DNAJB6: variants seen among roughly 807,000 people sequenced by gnomAD.
DNAJB6 encodes the protein dnaJ homolog subfamily B member 6.
DNAJB6 carries 16 observed loss-of-function variants against 42.7 expected under a neutral mutation model. The ratio of observed to expected loss-of-function variants is 0.37; its 90% CI spans 0.25 to 0.57. The LOEUF is 0.57. DNAJB6 is among the 20% of genes least tolerant of loss of function. The pLI is 0.74. For missense variants in DNAJB6, 347 were observed against 416.8 expected (o/e 0.83, Z 1.46); for synonymous variants, 170 against 163.5 (o/e 1.04, Z -0.30).
chr7:157,388,472 C>A (rs940638277), intron 8 of DNAJB6, among the ~76,000 whole-genome samples: 1 of 152,184 alleles, frequency 6.6e-6, no homozygotes, highest in Non-Finnish European at 1.5e-5. Flanking sequence ...GGAAGCTGAA[C>A]GCTCCTTAAC....
intron 8 of DNAJB6, among the ~76,000 whole-genome samples, chr7:157,386,836 A>G (rs1801086681): frequency 1.3e-5 from 2 of 151,560 alleles, no homozygotes; most frequent in African/African-American, 4.9e-5. Flanking sequence ...GTGAGCTGAG[A>G]TCGTGCCATT....
chr7:157,346,703 T>C (rs534536439), intron 1 of DNAJB6, among the ~76,000 whole-genome samples: 1 of 152,360 alleles, frequency 6.6e-6, no homozygotes, highest in East Asian at 1.9e-4. Flanking sequence ...TTGTCAAATT[T>C]TAAATTGTGT....
chr7:157,358,568 A>G lies in DNAJB6; in HGVS notation c.-5A>G. The G allele has an allele frequency of 6.2e-7, 1 of 1,613,294 alleles. No homozygotes were observed. The highest frequency in any genetic ancestry group is 8.5e-7 in the Non-Finnish European group (1 of 1,179,284). ...GCAGGACCCATTCCAACAATCTCGT[A>G]AAACATGGTGGATTACTATGAAGTT... On this transcript the variant is annotated 5_prime_UTR_variant, in exon 2 of 10. Transcript: ENST00000262177.
intron 8 of DNAJB6, among the ~76,000 whole-genome samples, chr7:157,393,429 A>G (rs975361271): frequency 6.6e-6 from 1 of 152,098 alleles, no homozygotes; most frequent in Non-Finnish European, 1.5e-5. Flanking sequence ...CTGTGTGATT[A>G]TGTTTCTGAG....
At chr7:157,372,210 T>C (rs1800245466) in intron 5 of DNAJB6, 2 of 152,588 alleles carry the variant, frequency 1.3e-5, no homozygotes, top group Non-Finnish European at 2.9e-5. Context: ...CTGCCCAGGG[T>C]GGAGGAGGCC....
At chr7:157,339,372 A>C (rs1798224835) in intron 1 of DNAJB6, among the ~76,000 whole-genome samples, 1 of 135,194 alleles carries the variant, frequency 7.4e-6, no homozygotes, top group Non-Finnish European at 1.5e-5. Flanking sequence ...ATCTCGGCTC[A>C]CTGCAAGCTC....
chr7:157,352,346 A>G (rs1008128200), intron 1 of DNAJB6, among the ~76,000 whole-genome samples: 2 of 151,832 alleles, frequency 1.3e-5, no homozygotes, highest in African/African-American at 4.8e-5. Flanking sequence ...ATATATGTAT[A>G]TATATATAAT....
chr7:157,404,171 G>A (rs1395270662), intron 8 of DNAJB6, among the ~76,000 whole-genome samples: 1 of 151,660 alleles, frequency 6.6e-6, no homozygotes, highest in Non-Finnish European at 1.5e-5. Flanking sequence ...GTCTCACTAT[G>A]TTGCCCAGGC....
At chr7:157,344,536 G>A (rs1331184464) in intron 1 of DNAJB6, among the ~76,000 whole-genome samples, 1 of 151,648 alleles carries the variant, frequency 6.6e-6, no homozygotes, top group Non-Finnish European at 1.5e-5. Flanking sequence ...AGTTAATTTT[G>A]TAGTTAGAGA....
chr7:157,390,005 G>A (rs910131830), intron 8 of DNAJB6, among the ~76,000 whole-genome samples: 1 of 152,238 alleles, frequency 6.6e-6, no homozygotes, highest in Non-Finnish European at 1.5e-5. Flanking sequence ...CTGCCTCGGA[G>A]TGCAACCCCA....
chr7:157,378,776 C>T (rs146154794), intron 5 of DNAJB6: 68 of 152,266 alleles, frequency 4.5e-4, no homozygotes, highest in African/African-American at 1.6e-3. Context: ...AAGCTTAATA[C>T]ATACTTCTAG....
intron 8 of DNAJB6, among the ~76,000 whole-genome samples, chr7:157,393,357 A>G (rs1801438791): frequency 1.3e-5 from 2 of 151,822 alleles, no homozygotes; most frequent in African/African-American, 4.8e-5. Context: ...TTTTACCCTT[A>G]TTTTTCTTAT....
intron 8 of DNAJB6, among the ~76,000 whole-genome samples, chr7:157,408,158 A>G (rs1795839633): frequency 6.6e-6 from 1 of 152,138 alleles, no homozygotes; most frequent in South Asian, 2.1e-4. Flanking sequence ...ATGTGCGTGC[A>G]TTCTCCTGGT....
intron 1 of DNAJB6, among the ~76,000 whole-genome samples, chr7:157,352,330 A>G (rs1490962580): frequency 1.3e-5 from 2 of 151,834 alleles, no homozygotes; most frequent in Non-Finnish European, 1.5e-5. Context: ...CTCAAAATAT[A>G]TACATATATA....
At chr7:157,388,867 A>T (rs1368190098) in intron 8 of DNAJB6, among the ~76,000 whole-genome samples, 1 of 152,204 alleles carries the variant, frequency 6.6e-6, no homozygotes, top group Non-Finnish European at 1.5e-5. Context: ...GTGATGGATT[A>T]TTCCTTATAT....
chr7:157,400,076 T>C (rs2117163484), intron 8 of DNAJB6, among the ~76,000 whole-genome samples: 1 of 152,310 alleles, frequency 6.6e-6, no homozygotes, highest in Non-Finnish European at 1.5e-5. Flanking sequence ...CAGTAAAGCC[T>C]TTGTAAAGCC....
At position 157,409,879 on chromosome 7, in the gene DNAJB6, C is replaced by T; in HGVS notation, c.776C>T (p.Pro259Leu). Residue 259 changes from proline (P) to leucine (L), a missense_variant, in exon 9 of 10, where the codon CCG (proline) becomes CTG (leucine). By Grantham distance (98) the Pro-to-Leu change is moderately conservative (BLOSUM62 -3). Around this residue, in one of 3 missense-constraint regions of DNAJB6, gnomAD observed 264 missense variants for 288.0 expected, o/e 0.92. Transcript: ENST00000262177. ...CCAGCCCAGCCTGCCGGCCTCCGCC[C>T]GCCGAAGCCGCCCCGGCCTGCCTCG... is the stretch of plus-strand genomic sequence containing the variant. ...ALPAQPAGLRPPKPPRPASLL... is the reference protein window; with the variant it reads ...ALPAQPAGLRLPKPPRPASLL... 4 of 1,533,694 alleles carry T rather than the reference C, an allele frequency of 2.6e-6. No homozygotes were observed. Among genetic ancestry groups the T allele is most frequent in the Non-Finnish European group, 3.5e-6 (4 of 1,145,704 alleles).
chr7:157,337,793 T>A (rs1798126666), intron 1 of DNAJB6: 1 of 152,270 alleles, frequency 6.6e-6, no homozygotes, highest in African/African-American at 2.4e-5. Context: ...AAGTTTACAT[T>A]AACTCTTACC....
At chr7:157,391,812 C>G (rs1013484826) in intron 8 of DNAJB6, among the ~76,000 whole-genome samples, 1 of 152,074 alleles carries the variant, frequency 6.6e-6, no homozygotes, top group Non-Finnish European at 1.5e-5. Flanking sequence ...CATTGAAAAT[C>G]GGTAAGTTAC....
Sources: allele counts gnomAD v4.1 joint callset (sites outside exome capture counted in the v4.1 genomes callset), GRCh38; gene constraint gnomAD v4.1.1; regional missense constraint gnomAD v4.1.1; transcripts MANE v1.5; gene names NCBI Gene and HGNC (gene_info 2026-07-23, HGNC 2026-07-21).